ANKRD28: variants seen among roughly 807,000 people sequenced by gnomAD.
ANKRD28 encodes the protein ankyrin repeat domain 28.
ANKRD28 carries 44 observed loss-of-function variants against 126.5 expected under a neutral mutation model. The ratio of observed to expected loss-of-function variants is 0.35; its 90% CI spans 0.27 to 0.45. The LOEUF is 0.45. ANKRD28 is among the 20% of genes least tolerant of loss of function. The pLI, the probability that ANKRD28 is intolerant of heterozygous loss-of-function variation, is 1.00. For missense variants in ANKRD28, 1,110 were observed against 1,316.6 expected (o/e 0.84, Z 2.43); for synonymous variants, 442 against 468.5 (o/e 0.94, Z 0.73).
chr3:15,847,451 CT>C (rs1276608093), intron 1 of ANKRD28, among the ~76,000 whole-genome samples: 1 of 152,184 alleles, frequency 6.6e-6, no homozygotes, highest in Non-Finnish European at 1.5e-5. Flanking sequence ...ACCTCATTCA[CT>C]TTAATTATCA....
Position 15,797,968 on chromosome 3 carries a change from T to TAA in ANKRD28, c.-1448_-1447insTT. 2 of 985,368 alleles carry TAA rather than the reference T, an allele frequency of 2.0e-6. No homozygotes were observed. Among genetic ancestry groups the TAA allele is most frequent in the Non-Finnish European group, 2.4e-6 (2 of 829,902 alleles). 61.0% of individuals were successfully genotyped at this position (985,368 alleles called of 1,614,324 possible). On this transcript the variant is annotated 5_prime_UTR_variant, in exon 1 of 28. Transcript: ENST00000683139. ...CCTAGTAATGCTCACATGTTACACT[T>TAA]ACCAGAGATCTGAGCTACTTCTCGG...
At chr3:15,749,095 G>GTT (rs1357402514) in intron 4 of ANKRD28, among the ~76,000 whole-genome samples, 5,757 of 106,552 alleles carry the variant, frequency 0.054, 770 homozygotes, top group East Asian at 0.26. Context: ...TCTATATTAT[G>GTT]TTTTTGTTTT....
chr3:15,680,558 A>G (rs1416188238), intron 21 of ANKRD28, among the ~76,000 whole-genome samples: 1 of 152,186 alleles, frequency 6.6e-6, no homozygotes, highest in Non-Finnish European at 1.5e-5. Context: ...AAAGTATATC[A>G]TAAATTATTT....
chr3:15,754,719 G>T (rs1005507075), intron 3 of ANKRD28, among the ~76,000 whole-genome samples: 2 of 152,186 alleles, frequency 1.3e-5, no homozygotes, highest in Admixed American at 1.3e-4. Flanking sequence ...AGATATTAAT[G>T]AGAGGGGGTG....
intron 1 of ANKRD28, among the ~76,000 whole-genome samples, chr3:15,835,539 C>T (rs1170286509): frequency 2.0e-5 from 3 of 152,210 alleles, no homozygotes; most frequent in Admixed American, 6.5e-5. Flanking sequence ...TTTGAAAAGT[C>T]CTTTCCTCAC....
At chr3:15,685,136 A>G in intron 21 of ANKRD28, 90 bp downstream of exon 21, 2 of 1,426,710 alleles carry the variant, frequency 1.4e-6, no homozygotes, top group East Asian at 4.6e-5. Flanking sequence ...GTTTTTGCTA[A>G]TTTTAAACTT....
intron 2 of ANKRD28, 122 bp from the exon 3 acceptor site, chr3:15,766,434 C>T: frequency 1.5e-6 from 1 of 671,234 alleles, no homozygotes; most frequent in South Asian, 2.1e-5. Context: ...CAACTTATTA[C>T]TTCTATAACT....
At chr3:15,706,282 T>A (rs1320237880) in intron 14 of ANKRD28, among the ~76,000 whole-genome samples, 2 of 151,670 alleles carry the variant, frequency 1.3e-5, no homozygotes, top group Non-Finnish European at 2.9e-5. Context: ...GATGTTCCCC[T>A]TCCTGTGTCC....
At chr3:15,706,183 T>A (rs758883077) in intron 14 of ANKRD28, among the ~76,000 whole-genome samples, 4 of 152,138 alleles carry the variant, frequency 2.6e-5, no homozygotes, top group Non-Finnish European at 5.9e-5. Flanking sequence ...GTTGGTGTGC[T>A]GCACCCATTA....
In ANKRD28 at chr3:15,833,932, T is replaced by C. The variant is rs900175754; in HGVS notation, c.27+25445A>G. Among the ~76,000 whole-genome samples the C allele has an allele frequency of 3.3e-5, 5 of 152,184 alleles. No individual in the cohort carries two copies. The highest frequency in any genetic ancestry group is 1.2e-4 in the African/African-American group (5 of 41,452). ...TTTGTGTTATTTGCCCATTTTTTAA[T>C]GTTTGTTTTTTTCTTAAGTTCCTTG... On this transcript the variant is annotated intron_variant, in intron 1 of 27. Coordinates refer to the ANKRD28 transcript ENST00000399451. The surrounding 1 kb of genome is among the most constrained non-coding windows in gnomAD (Gnocchi z 4.4).
chr3:15,852,978 C>CT (rs879416634), intron 1 of ANKRD28, among the ~76,000 whole-genome samples: 17 of 151,310 alleles, frequency 1.1e-4, no homozygotes, highest in Non-Finnish European at 1.6e-4. Flanking sequence ...ATCCTGGTAA[C>CT]TTTTTTTTAA....
upstream of ANKRD28, chr3:15,798,159 G>A (rs1362968327): frequency 1.0e-6 from 1 of 985,224 alleles, no homozygotes; most frequent in East Asian, 1.1e-4. Context: ...AAGGAAATCT[G>A]GTGTACTGCC....
chr3:15,735,628 G>A, intron 5 of ANKRD28, 131 bp from the exon 6 acceptor site: 3 of 634,624 alleles, frequency 4.7e-6, no homozygotes, highest in Non-Finnish European at 8.1e-6. Flanking sequence ...GAAGGAGCTA[G>A]ACTAAATACT....
At chr3:15,694,307 CACA>C (rs1283042587) in intron 17 of ANKRD28, among the ~76,000 whole-genome samples, 4 of 152,090 alleles carry the variant, frequency 2.6e-5, no homozygotes, top group East Asian at 1.9e-4. Flanking sequence ...CCAGTGAACA[CACA>C]ACAAGTTAGC....
chr3:15,852,630 G>A (rs919963779), intron 1 of ANKRD28, among the ~76,000 whole-genome samples: 3 of 151,642 alleles, frequency 2.0e-5, no homozygotes, highest in African/African-American at 2.4e-5. Context: ...TCAGGAGATC[G>A]AGACCATCCT....
intron 8 of ANKRD28, among the ~76,000 whole-genome samples, chr3:15,716,532 C>G (rs952554120): frequency 6.6e-6 from 1 of 152,008 alleles, no homozygotes; most frequent in Admixed American, 6.6e-5. Context: ...GATTCTCCAG[C>G]CTTGGCTTCC....
rs1553639205 is a variant in ANKRD28, at chr3:15,797,569, A to AAG, written c.-1049_-1048insCT. On this transcript the variant is annotated 5_prime_UTR_variant, in exon 1 of 28. It removes the in-frame stop codon of an upstream open reading frame in the 5' UTR. Transcript: ENST00000683139. ...CTTTTTGTTTTCTTTAAAAAAAAAA[A>AAG]GGGGGGGGAAAAACATAGTAGTGTA... 7 of 981,254 alleles carry AAG rather than the reference A, an allele frequency of 7.1e-6. No individual in the cohort carries two copies. In the African/African-American group the frequency reaches 8.8e-5, roughly 12 times the overall value. 60.8% of individuals were successfully genotyped at this position (981,254 alleles called of 1,614,324 possible).
At chr3:15,850,585 C>T (rs533651441) in intron 1 of ANKRD28, among the ~76,000 whole-genome samples, 1 of 152,204 alleles carries the variant, frequency 6.6e-6, no homozygotes, top group African/African-American at 2.4e-5. Flanking sequence ...GGCCTTCTCA[C>T]CTACTGTCTC....
At chr3:15,821,405 C>T (rs1285234477) in intron 1 of ANKRD28, among the ~76,000 whole-genome samples, 1 of 152,140 alleles carries the variant, frequency 6.6e-6, no homozygotes, top group Non-Finnish European at 1.5e-5. Context: ...TAAAGATGTA[C>T]AATCCTTACT....
Sources: allele counts gnomAD v4.1 joint callset (sites outside exome capture counted in the v4.1 genomes callset), GRCh38; gene constraint gnomAD v4.1.1; non-coding constraint Gnocchi (gnomAD v3.1); transcripts MANE v1.5; gene names NCBI Gene and HGNC (gene_info 2026-07-23, HGNC 2026-07-21).